Variants in NPAS2 observed in about 807,000 individuals in gnomAD.
NPAS2 encodes neuronal PAS domain-containing protein 2.
In NPAS2, 23 loss-of-function variants were observed where a neutral mutation model predicts 107.5. The ratio of observed to expected loss-of-function variants is 0.21; its 90% CI spans 0.15 to 0.30. The LOEUF is 0.30. NPAS2 is among the 10% of genes least tolerant of loss of function. The pLI is 1.00. For synonymous variants in NPAS2, 403 were observed against 417.5 expected (o/e 0.97, Z 0.42); for missense variants, 756 against 1,043.3 (o/e 0.72, Z 3.79).
chr2:100,988,219 C>T lies in NPAS2; in HGVS notation c.1770C>T (p.Ser590=). 4 of 1,614,088 alleles carry T rather than the reference C, an allele frequency of 2.5e-6. No homozygotes were observed. The highest frequency in any genetic ancestry group is 3.4e-6 in the Non-Finnish European group (4 of 1,180,032). Residue 590 remains serine (S), a synonymous_variant, in exon 17 of 21, where the codon TCC becomes TCT. Coordinates refer to ENST00000335681, the MANE Select transcript of NPAS2 (RefSeq NM_002518.4). ...GAGPQLPGQI[S]SAQVTSQHLL... is the part of the protein sequence containing the mutation. ...GCCCCCAACTTCCAGGGCAGATCTCCTCTGCCCAGGTCACAAGCCAGCACC... is the reference window on the plus strand; with the variant it reads ...GCCCCCAACTTCCAGGGCAGATCTCTTCTGCCCAGGTCACAAGCCAGCACC...
At chr2:100,942,522 AT>A (rs1028130977) in intron 5 of NPAS2, among the ~76,000 whole-genome samples, 8 of 151,882 alleles carry the variant, frequency 5.3e-5, no homozygotes, top group African/African-American at 1.7e-4. Flanking sequence ...CTCTAGTTAG[AT>A]TTTTTTTATG....
intron 2 of NPAS2, among the ~76,000 whole-genome samples, chr2:100,921,334 G>C (rs1683212523): frequency 6.6e-6 from 1 of 152,200 alleles, no homozygotes; most frequent in African/African-American, 2.4e-5. Context: ...ATGAATGGAT[G>C]TAAAGCTCTT....
intron 7 of NPAS2, among the ~76,000 whole-genome samples, chr2:100,950,372 G>T (rs1422715947): frequency 1.3e-5 from 2 of 152,210 alleles, no homozygotes; most frequent in African/African-American, 4.8e-5. Flanking sequence ...ACAGAAAGAT[G>T]AGCTGCAGAA....
chr2:100,864,267 G>A (rs1679115961), intron 1 of NPAS2, among the ~76,000 whole-genome samples: 1 of 152,120 alleles, frequency 6.6e-6, no homozygotes. Flanking sequence ...AACATTTTGT[G>A]GTTATTGTTT....
intron 5 of NPAS2, among the ~76,000 whole-genome samples, chr2:100,943,863 A>G (rs10164447): frequency 0.021 from 3,174 of 152,310 alleles, 78 homozygotes; most frequent in African/African-American, 0.055. Flanking sequence ...ACCAGATGCC[A>G]AGGCAGCATA....
intron 2 of NPAS2, among the ~76,000 whole-genome samples, chr2:100,905,663 C>T (rs1048743251): frequency 2.0e-5 from 3 of 152,148 alleles, no homozygotes; most frequent in Non-Finnish European, 4.4e-5. Context: ...GGACCAGCCT[C>T]CTTGCTGTGA....
rs774514654 is a variant in NPAS2, at chr2:100,964,161, A to G, written c.702A>G (p.Thr234=). ...VCFIATVRLA[T]PQFLKEMCIV... is the part of the protein sequence containing the mutation. ...TCATTGCCACCGTTCGTCTGGCAAC[A>G]CCACAATTCTTAAAGGCAAGTACCT... Residue 234 remains threonine, a synonymous_variant, in exon 8 of 21, where the codon ACA becomes ACG. Transcript: ENST00000335681. The G allele has an allele frequency of 1.2e-6, 2 of 1,610,188 alleles. No homozygotes were observed. Among genetic ancestry groups the G allele is most frequent in the South Asian group, 2.2e-5 (2 of 91,008 alleles).
intron 1 of NPAS2, among the ~76,000 whole-genome samples, chr2:100,838,460 T>C (rs1293749771): frequency 6.6e-6 from 1 of 152,122 alleles, no homozygotes; most frequent in Non-Finnish European, 1.5e-5. Flanking sequence ...GTATTTTTAG[T>C]AGAGAAGAGG....
chr2:100,882,391 C>G (rs1232654948), intron 1 of NPAS2, among the ~76,000 whole-genome samples: 1 of 152,136 alleles, frequency 6.6e-6, no homozygotes, highest in African/African-American at 2.4e-5. Context: ...GGGCGGATCA[C>G]AAGGTCAGGA....
intron 1 of NPAS2, among the ~76,000 whole-genome samples, chr2:100,857,494 C>CAGATGTG (rs1008863088): frequency 6.6e-6 from 1 of 152,134 alleles, no homozygotes; most frequent in Non-Finnish European, 1.5e-5. Context: ...TGGCTGCCCT[C>CAGATGTG]AGATGTGGCC....
At chr2:100,923,243 G>A (rs1305465547) in intron 2 of NPAS2, among the ~76,000 whole-genome samples, 2 of 152,256 alleles carry the variant, frequency 1.3e-5, no homozygotes, top group East Asian at 3.9e-4. Flanking sequence ...AGAACAGACA[G>A]GGAGGAGGGG....
Position 100,990,353 on chromosome 2 carries a change from C to T in NPAS2, c.1925C>T (p.Pro642Leu), listed in dbSNP as rs770660671. Residue 642 changes from proline to leucine, a missense_variant, in exon 18 of 21, where the codon CCG becomes CTG. Pro to Leu is a moderately conservative substitution (Grantham distance 98). Around this residue, in one of 4 missense-constraint regions of NPAS2, gnomAD observed 496 missense variants for 594.4 expected, o/e 0.83. Transcript: ENST00000335681. ...SPFSSATAAL[P>L]PSLNLTTPAS... ...TTCAGCAGCGCCACAGCTGCGCTCC[C>T]GCCAAGTCTGAATCTGACCACACCT... The T allele has an allele frequency of 6.8e-6, 11 of 1,614,074 alleles. No homozygotes were observed. The highest frequency in any genetic ancestry group is 3.3e-4 in the Middle Eastern group (2 of 6,084).
At chr2:100,875,461 TACACACACACACACACACAC>T (rs56331462) in intron 1 of NPAS2, among the ~76,000 whole-genome samples, 2,739 of 143,656 alleles carry the variant, frequency 0.019, 51 homozygotes, top group South Asian at 0.034. Context: ...ATTAAAAGCT[TACACACACACACACACACAC>T]ACACACACAC....
chr2:100,927,757 TTCTC>T lies in NPAS2; in HGVS notation c.181+2468_181+2471del, dbSNP rs567205770. On this transcript the variant is annotated intron_variant, in intron 3 of 20. Coordinates refer to ENST00000335681, the MANE Select transcript of NPAS2 (RefSeq NM_002518.4). Reference sequence around the variant, plus strand: ...TTGAGCTCACATCTTTCTCAAATCATTCTCTCTCCCTTTTCCTCTCCTTCAAACA... The same window carrying T: ...TTGAGCTCACATCTTTCTCAAATCATTCTCCCTTTTCCTCTCCTTCAAACA... 2.2e-3 allele frequency among the ~76,000 whole-genome samples: 331 copies of T among 152,344 alleles called. 2 individuals carry two copies. Among genetic ancestry groups the T allele is most frequent in the African/African-American group, 7.3e-3 (304 of 41,572 alleles).
upstream of NPAS2, among the ~76,000 whole-genome samples, chr2:100,818,765 G>T (rs771050255): frequency 6.6e-6 from 1 of 152,244 alleles, no homozygotes; most frequent in Non-Finnish European, 1.5e-5. Context: ...TCCGGAAAAG[G>T]CTGCCACGCT....
intron 15 of NPAS2, among the ~76,000 whole-genome samples, chr2:100,979,925 C>T (rs902451781): frequency 2.0e-5 from 3 of 152,130 alleles, no homozygotes; most frequent in Non-Finnish European, 2.9e-5. Flanking sequence ...TCATGTGAAA[C>T]AACGAGATTC....
At chr2:100,918,286 A>C (rs1200689297) in intron 2 of NPAS2, among the ~76,000 whole-genome samples, 1 of 152,108 alleles carries the variant, frequency 6.6e-6, no homozygotes, top group Non-Finnish European at 1.5e-5. Flanking sequence ...AAAATACGTA[A>C]AACTGTAAAA....
At chr2:100,840,409 A>G (rs556632742) in intron 1 of NPAS2, among the ~76,000 whole-genome samples, 2 of 152,166 alleles carry the variant, frequency 1.3e-5, no homozygotes, top group South Asian at 2.1e-4. Flanking sequence ...TGTTTATTGA[A>G]CTGCGCTGAA....
At chr2:100,873,198 G>T (rs1208012614) in intron 1 of NPAS2, among the ~76,000 whole-genome samples, 1 of 141,896 alleles carries the variant, frequency 7.0e-6, no homozygotes, top group Non-Finnish European at 1.5e-5. Flanking sequence ...GTTGCAGCGA[G>T]CCAAGACTGT....
Sources: allele counts gnomAD v4.1 joint callset (sites outside exome capture counted in the v4.1 genomes callset), GRCh38; gene constraint gnomAD v4.1.1; regional missense constraint gnomAD v4.1.1; transcripts MANE v1.5; gene names NCBI Gene and HGNC (gene_info 2026-07-23, HGNC 2026-07-21).